Variants in MLXIP observed in about 807,000 individuals in gnomAD.
MLXIP encodes the protein MLX interacting protein, also known as MLX-interacting protein.
A neutral mutation model predicts 87.2 loss-of-function variants in MLXIP; 30 were observed. That is an observed-to-expected ratio of 0.34 (90% confidence interval 0.26 to 0.47). The LOEUF (loss-of-function observed/expected upper bound fraction) is 0.47, where lower values mean the gene tolerates loss of function less well. MLXIP is among the 20% of genes least tolerant of loss of function. The pLI is 1.00. For synonymous variants in MLXIP, 530 were observed against 514.0 expected, an observed-to-expected ratio of 1.03 and a Z score of -0.42; for missense variants, 1,002 against 1,240.1, an observed-to-expected ratio of 0.81 and a Z score of 2.88.
intron 5 of MLXIP, 41 bp from the exon 6 acceptor site, chr12:122,129,900 T>A (rs1308784168): frequency 2.5e-6 from 4 of 1,581,624 alleles, no homozygotes; most frequent in Non-Finnish European, 3.4e-6. Flanking sequence ...GTCCCACTGT[T>A]ACTCTTTGAT....
At chr12:122,116,158 C>T (rs143186258) in intron 1 of MLXIP, among the ~76,000 whole-genome samples, 136 of 152,134 alleles carry the variant, frequency 8.9e-4, no homozygotes, top group Non-Finnish European at 1.7e-3. Context: ...GCCAATTTCC[C>T]GGCTTTGACA....
intron 1 of MLXIP, among the ~76,000 whole-genome samples, chr12:122,093,498 GGTGTCT>G (rs1952282669): frequency 6.9e-6 from 1 of 144,208 alleles, no homozygotes; most frequent in African/African-American, 2.6e-5. Flanking sequence ...GTGTGTGTGC[GGTGTCT>G]GTGTTGGTGT....
chr12:122,098,979 T>C (rs1455416756), intron 1 of MLXIP, among the ~76,000 whole-genome samples: 1 of 152,248 alleles, frequency 6.6e-6, no homozygotes, highest in Non-Finnish European at 1.5e-5. Flanking sequence ...GGCTCACGCC[T>C]GTAATCCCAG....
At chr12:122,097,777 A>G (rs1045527645) in intron 1 of MLXIP, among the ~76,000 whole-genome samples, 2 of 146,886 alleles carry the variant, frequency 1.4e-5, no homozygotes, top group African/African-American at 2.5e-5. Context: ...CCAGCTCCCT[A>G]CTCTCCCAGG....
Position 122,128,693 on chromosome 12 carries a change from C to T in MLXIP, c.607-444C>T, listed in dbSNP as rs115451319. On this transcript the variant is annotated intron_variant, in intron 3 of 16. Transcript: ENST00000319080. ...GCAAGGCATCCACACTGGCATCACG[C>T]GAAGGTTGGATGAGAGGCCCCTGGA... The T allele has an allele frequency of 3.7e-3, 614 of 164,816 alleles. 2 individuals carry two copies. The highest frequency in any genetic ancestry group is 0.011 in the African/African-American group (453 of 41,730). 10.2% of individuals were successfully genotyped at this position (164,816 alleles called of 1,614,324 possible).
At chr12:122,124,932 C>T (rs182571467) in intron 1 of MLXIP, among the ~76,000 whole-genome samples, 2 of 151,972 alleles carry the variant, frequency 1.3e-5, no homozygotes, top group Non-Finnish European at 2.9e-5. Flanking sequence ...TTTGGGAGGC[C>T]GAGGCAGGCA....
At chr12:122,123,906 C>A (rs936851294) in intron 1 of MLXIP, among the ~76,000 whole-genome samples, 49 of 152,284 alleles carry the variant, frequency 3.2e-4, no homozygotes, top group African/African-American at 1.2e-3. Context: ...AGGCTGAGTT[C>A]TGCTCACTGG....
At chr12:122,126,150 C>T (rs1475066040) in intron 1 of MLXIP, among the ~76,000 whole-genome samples, 3 of 152,160 alleles carry the variant, frequency 2.0e-5, no homozygotes, top group South Asian at 2.1e-4. Context: ...AGATGGCTCC[C>T]GGCCTAGCAC....
At position 122,127,837 on chromosome 12, in the gene MLXIP, C is replaced by T. The variant is rs1010410938; in HGVS notation, c.521-46C>T. 4 of 1,542,492 alleles carry T rather than the reference C, an allele frequency of 2.6e-6. No homozygotes were observed. The Admixed American group carries it at 5.0e-5, about 19-fold the overall frequency. ...TGCAGCAGACAGGCTGGGGCTCCCT[C>T]AGGGGTCTGGATCATGGTGCTGACT... On this transcript the variant is annotated intron_variant, in intron 2 of 16. Transcript: ENST00000319080.
chr12:122,124,641 G>T (rs1565979177), intron 1 of MLXIP, among the ~76,000 whole-genome samples: 1 of 151,238 alleles, frequency 6.6e-6, no homozygotes, highest in Non-Finnish European at 1.5e-5. Flanking sequence ...GCAAACATAA[G>T]AGAAAGGACT....
rs1162475087 is a variant in MLXIP, at chr12:122,106,595, CTTTTTTTTTTTTTTT to C, written c.414-20651_414-20637del. Among the ~76,000 whole-genome samples the C allele has an allele frequency of 2.5e-4, 16 of 62,884 alleles. No individual in the cohort carries two copies. The South Asian group carries it at 0.011, about 45-fold the overall frequency. The allele number at this position is 62,884 out of a possible 152,430, so 41.3% of individuals were successfully genotyped here. A position where few individuals can be genotyped will look rare whatever the true frequency, so the allele number is the denominator to read the frequency against. On this transcript the variant is annotated intron_variant, in intron 1 of 16. Transcript: ENST00000319080. ...TGAAAGCAAGATGGAATCGCAGGTT[CTTTTTTTTTTTTTTT>C]TTTTTTTTTGAGATGGAGTCTCACT...
chr12:122,125,450 G>A (rs184249959), intron 1 of MLXIP, among the ~76,000 whole-genome samples: 3 of 152,176 alleles, frequency 2.0e-5, no homozygotes, highest in African/African-American at 7.2e-5. Context: ...AAACATGTAT[G>A]TGTGTGTGTA....
rs1387484552 is a variant in MLXIP at position 122,078,759 on chromosome 12, C to T, written c.-95C>T. The T allele has an allele frequency of 2.1e-5, 21 of 994,362 alleles. No individual in the cohort carries two copies. Among genetic ancestry groups the T allele is most frequent in the Middle Eastern group, 4.8e-4 (1 of 2,080 alleles). 61.6% of individuals were successfully genotyped at this position (994,362 alleles called of 1,614,324 possible). A position where few individuals can be genotyped will look rare whatever the true frequency, so the allele number is the denominator to read the frequency against. ...GCCGCGCCGCGCGCTCGCGGACAGTCGGCGCGCGGGCCGGGCCGGGCCGGC... is the reference window on the plus strand; with the variant it reads ...GCCGCGCCGCGCGCTCGCGGACAGTTGGCGCGCGGGCCGGGCCGGGCCGGC... On this transcript the variant is annotated 5_prime_UTR_variant, in exon 1 of 17. Coordinates refer to ENST00000319080, the MANE Select transcript of MLXIP (RefSeq NM_014938.6).
rs1953310927 is a variant in MLXIP at position 122,146,807 on chromosome 12, G to T, written c.*4995G>T. The T allele has an allele frequency of 1.3e-5, 2 of 152,130 alleles. No homozygotes were observed. The highest frequency in any genetic ancestry group is 4.8e-5 in the African/African-American group (2 of 41,426). 9.4% of individuals were successfully genotyped at this position (152,130 alleles called of 1,614,324 possible). A position where few individuals can be genotyped will look rare whatever the true frequency, so the allele number is the denominator to read the frequency against. On this transcript the variant is annotated 3_prime_UTR_variant, in exon 17 of 17. Coordinates refer to ENST00000319080, the MANE Select transcript of MLXIP (RefSeq NM_014938.6). ...CTTCTGCGTTTCCTAACAGTTATTT[G>T]GTGGTCTCAAGAGTTGAGGTTGTGG... is the stretch of plus-strand genomic sequence containing the variant.
intron 1 of MLXIP, among the ~76,000 whole-genome samples, chr12:122,116,545 C>T (rs528180085): frequency 6.6e-6 from 1 of 152,300 alleles, no homozygotes; most frequent in South Asian, 2.1e-4. Flanking sequence ...GGAGGAGCAC[C>T]TTGGGGTCTG....
At chr12:122,129,530 GC>G in intron 4 of MLXIP, 57 bp from the exon 5 acceptor site, 1 of 1,594,144 alleles carries the variant, frequency 6.3e-7, no homozygotes. Flanking sequence ...ATATTCTAGA[GC>G]CCTTGGGCCC....
rs201261854 is a variant in MLXIP, at chr12:122,092,405, G to GT, written c.413+13147dup. 3.5e-3 allele frequency among the ~76,000 whole-genome samples: 539 copies of GT among 152,068 alleles called. 1 individual carries two copies. Among genetic ancestry groups the GT allele is most frequent in the African/African-American group, 0.012 (495 of 41,494 alleles). On this transcript the variant is annotated intron_variant, in intron 1 of 16. Transcript: ENST00000319080. Reference sequence around the variant, plus strand: ...TGAACCACTGAGCCCAGTCAAGGTAGTTTTTTTTAGGTGTTCTTACACTAC... The same window carrying GT: ...TGAACCACTGAGCCCAGTCAAGGTAGTTTTTTTTTAGGTGTTCTTACACTAC...
intron 1 of MLXIP, among the ~76,000 whole-genome samples, chr12:122,094,200 GGT>G (rs1158872942): frequency 2.5e-5 from 1 of 40,058 alleles, no homozygotes; most frequent in African/African-American, 6.7e-5. Flanking sequence ...TGTGTGTGTT[GGT>G]GTGTGGAGTG....
At position 122,135,865 on chromosome 12, in the gene MLXIP, G is replaced by A. The variant is rs1209687396; in HGVS notation, c.2032+199G>A. Reference sequence around the variant, plus strand: ...AGGATGAAATGTGGTGGCACTGGCAGGGCAAAAAGTAGTGAACATGTGGCA... The same window carrying A: ...AGGATGAAATGTGGTGGCACTGGCAAGGCAAAAAGTAGTGAACATGTGGCA... On this transcript the variant is annotated intron_variant, in intron 11 of 16. Transcript: ENST00000319080. This position sits in a 1 kb window ranked among gnomAD's most constrained non-coding sequence, Gnocchi z 5.3. The A allele has an allele frequency of 6.1e-6, 4 of 660,012 alleles. No homozygotes were observed. In the African/African-American group the frequency reaches 7.5e-5, roughly 12 times the overall value. The allele number at this position is 660,012 out of a possible 1,614,324, so 40.9% of individuals were successfully genotyped here.
Sources: gnomAD v4.1 joint callset for allele counts (sites outside exome capture counted in the v4.1 genomes callset) on GRCh38, gnomAD v4.1.1 for gene constraint, Gnocchi (gnomAD v3.1) non-coding constraint, MANE v1.5 for transcripts, NCBI Gene and HGNC (gene_info 2026-07-23, HGNC 2026-07-21) for gene names.